TMEM117: variants seen among roughly 807,000 people sequenced by gnomAD.
TMEM117 encodes transmembrane protein 117.
A neutral mutation model predicts 52.4 loss-of-function variants in TMEM117; 27 were observed. The observed-to-expected ratio is 0.51, with a 90% confidence interval of 0.38 to 0.71. The LOEUF (loss-of-function observed/expected upper bound fraction) is 0.71, where lower values mean the gene tolerates loss of function less well. Among genes scored for constraint, TMEM117 ranks in the 30% least tolerant of loss-of-function variants. TMEM117 has a pLI of 0.00. For missense variants in TMEM117, 556 were observed against 630.5 expected (o/e 0.88, Z 1.26); for synonymous variants, 215 against 206.3 (o/e 1.04, Z -0.36).
intron 6 of TMEM117, among the ~76,000 whole-genome samples, chr12:44,371,617 T>C (rs754933435): frequency 6.6e-5 from 10 of 152,202 alleles, no homozygotes; most frequent in Admixed American, 1.3e-4. Flanking sequence ...GTGAGGTCTC[T>C]TCATTTAATT....
chr12:44,139,014 T>G (rs558058445), intron 3 of TMEM117, among the ~76,000 whole-genome samples: 1 of 152,296 alleles, frequency 6.6e-6, no homozygotes, highest in Admixed American at 6.5e-5. Context: ...TTAGTTTTAG[T>G]GTGTTTAATG....
chr12:43,892,360 G>T (rs1191253665), intron 2 of TMEM117, among the ~76,000 whole-genome samples: 1 of 152,124 alleles, frequency 6.6e-6, no homozygotes, highest in African/African-American at 2.4e-5. Context: ...GGTTCTTATT[G>T]GGTGCTGGTC....
At chr12:44,200,676 A>G (rs1949483685) in intron 4 of TMEM117, among the ~76,000 whole-genome samples, 1 of 152,200 alleles carries the variant, frequency 6.6e-6, no homozygotes, top group African/African-American at 2.4e-5. Context: ...TCTAACTCTG[A>G]ATCAGTCTGT....
intron 4 of TMEM117, among the ~76,000 whole-genome samples, chr12:44,146,990 G>T (rs1260929007): frequency 1.3e-5 from 2 of 152,126 alleles, no homozygotes; most frequent in African/African-American, 2.4e-5. Context: ...ACATTACAGA[G>T]CTTCAAGCTC....
At chr12:44,282,439 A>C (rs1163457219) in intron 5 of TMEM117, among the ~76,000 whole-genome samples, 1 of 152,184 alleles carries the variant, frequency 6.6e-6, no homozygotes, top group Non-Finnish European at 1.5e-5. Flanking sequence ...TGATAGCGAT[A>C]TGGACCATAA....
chr12:44,318,776 A>G (rs1435862200), intron 6 of TMEM117, among the ~76,000 whole-genome samples: 2 of 152,062 alleles, frequency 1.3e-5, no homozygotes. Flanking sequence ...TGGAGCAGAG[A>G]GGTCTCTGCT....
chr12:43,924,386 A>T (rs1011596351), intron 2 of TMEM117, among the ~76,000 whole-genome samples: 3 of 152,206 alleles, frequency 2.0e-5, no homozygotes, highest in African/African-American at 7.2e-5. Context: ...AGACATCAAC[A>T]TTCTGACTGA....
chr12:44,189,135 A>G (rs774714281), intron 4 of TMEM117, among the ~76,000 whole-genome samples: 2 of 152,136 alleles, frequency 1.3e-5, no homozygotes, highest in Non-Finnish European at 2.9e-5. Context: ...TAGTCACCCT[A>G]TTGATCTGTC....
chr12:44,314,567 CTTTTTTTTT>C (rs755148669), intron 6 of TMEM117, among the ~76,000 whole-genome samples: 1 of 130,606 alleles, frequency 7.7e-6, no homozygotes, highest in Non-Finnish European at 1.7e-5. Flanking sequence ...GTTTCTTCTT[CTTTTTTTTT>C]TTTTTTTTAA....
intron 3 of TMEM117, among the ~76,000 whole-genome samples, chr12:44,027,875 T>C (rs1946569277): frequency 6.6e-6 from 1 of 152,224 alleles, no homozygotes; most frequent in South Asian, 2.1e-4. Context: ...TCTTAAGTTT[T>C]CTGTATTTGA....
chr12:43,872,175 C>T lies in TMEM117; in HGVS notation c.277+27247C>T, dbSNP rs148293389. On this transcript the variant is annotated intron_variant, in intron 2 of 7. Transcript: ENST00000266534. Reference sequence around the variant, plus strand: ...CATTGGTCTATTCCTGCCTTTTTAGCGGAGTGAGATGTGACTAAGGCATTT... The same window carrying T: ...CATTGGTCTATTCCTGCCTTTTTAGTGGAGTGAGATGTGACTAAGGCATTT... Among the ~76,000 whole-genome samples, 164 of 152,254 alleles carry T rather than the reference C, an allele frequency of 1.1e-3. 1 individual carries two copies. The highest frequency in any genetic ancestry group is 3.8e-3 in the African/African-American group (159 of 41,546).
intron 5 of TMEM117, among the ~76,000 whole-genome samples, chr12:44,226,327 A>G (rs182563702): frequency 6.6e-6 from 1 of 152,296 alleles, no homozygotes; most frequent in African/African-American, 2.4e-5. Flanking sequence ...GGCAGAGATA[A>G]AGGTCACCAG....
intron 5 of TMEM117, among the ~76,000 whole-genome samples, chr12:44,258,412 C>T (rs759127640): frequency 2.0e-5 from 3 of 151,984 alleles, no homozygotes; most frequent in Non-Finnish European, 4.4e-5. Flanking sequence ...TATGAAGTTT[C>T]ATTCACTTAT....
At chr12:44,002,614 C>A (rs1245573593) in intron 3 of TMEM117, among the ~76,000 whole-genome samples, 2 of 152,180 alleles carry the variant, frequency 1.3e-5, no homozygotes, top group Non-Finnish European at 2.9e-5. Context: ...TTCCCTCCCT[C>A]CTTTCCCTGG....
chr12:43,871,092 TG>T (rs942181056), intron 2 of TMEM117, among the ~76,000 whole-genome samples: 5 of 150,332 alleles, frequency 3.3e-5, no homozygotes, highest in African/African-American at 1.2e-4. Context: ...GCCTTCTTTT[TG>T]TTTTTTTTTT....
rs141446707 is a variant in TMEM117, at chr12:44,299,628, G to A, written c.657G>A (p.Thr219=). 31 of 1,614,158 alleles carry A rather than the reference G, an allele frequency of 1.9e-5. No homozygotes were observed. Among genetic ancestry groups the A allele is most frequent in the African/African-American group, 1.9e-4 (14 of 75,042 alleles). The part of the protein sequence containing the change: ...LTSVVVLVIT[T]DWISWDKLNR... ...CTGTGGTTGTACTTGTGATTACAAC[G>A]GACTGGATCAGCTGGGACAAGCTGA... The change falls in exon 6 of 8, where the codon ACG becomes ACA. Residue 219 remains threonine, a synonymous_variant. Coordinates refer to ENST00000266534, the MANE Select transcript of TMEM117 (RefSeq NM_032256.3).
At chr12:43,881,590 G>A (rs1943896142) in intron 2 of TMEM117, among the ~76,000 whole-genome samples, 1 of 151,668 alleles carries the variant, frequency 6.6e-6, no homozygotes, top group Admixed American at 6.6e-5. Flanking sequence ...GGGAGTTTGA[G>A]ACCAGCCTGA....
intron 3 of TMEM117, among the ~76,000 whole-genome samples, chr12:44,029,112 C>T (rs564398241): frequency 6.6e-6 from 1 of 152,240 alleles, no homozygotes; most frequent in East Asian, 1.9e-4. Context: ...GTTAGAGTGT[C>T]TCCTAAGAGA....
downstream of TMEM117, among the ~76,000 whole-genome samples, chr12:44,394,570 T>A (rs141772316): frequency 9.2e-3 from 1,408 of 152,304 alleles, 33 homozygotes; most frequent in African/African-American, 0.027. Context: ...ATGGTCATAA[T>A]CCCTTGGAGC....
Sources: allele counts gnomAD v4.1 joint callset (sites outside exome capture counted in the v4.1 genomes callset), GRCh38; gene constraint gnomAD v4.1.1; transcripts MANE v1.5; gene names NCBI Gene and HGNC (gene_info 2026-07-23, HGNC 2026-07-21).